Variants in ST3GAL3 observed in about 807,000 individuals in gnomAD.
ST3GAL3 encodes CMP-N-acetylneuraminate-beta-1,4-galactoside alpha-2,3-sialyltransferase.
A neutral mutation model predicts 50.1 loss-of-function variants in ST3GAL3; 21 were observed. The observed-to-expected ratio is 0.42, with a 90% CI of 0.30 to 0.60. ST3GAL3 has a LOEUF of 0.60. Ranked by LOEUF, ST3GAL3 falls within the 20% of genes least tolerant of loss-of-function variation. The probability of loss-of-function intolerance (pLI) is 0.19; values close to 1 mark genes in which losing one functional copy is unlikely to be tolerated. For missense variants in ST3GAL3, 353 were observed against 489.4 expected (o/e 0.72, Z 2.63); for synonymous variants, 183 against 190.0 (o/e 0.96, Z 0.30).
intron 2 of ST3GAL3, 30 bp downstream of exon 2, chr1:43,736,410 G>C: frequency 3.1e-6 from 5 of 1,614,112 alleles, no homozygotes; most frequent in Non-Finnish European, 4.2e-6. Flanking sequence ...CTCACCCCAG[G>C]AGAAGCCTGT....
chr1:43,881,073 C>T (rs1304540729), intron 5 of ST3GAL3, among the ~76,000 whole-genome samples: 6 of 151,696 alleles, frequency 4.0e-5, no homozygotes, highest in African/African-American at 1.2e-4. Context: ...TGCAATGGCG[C>T]GATCTCAGCT....
chr1:43,828,856 A>G (rs904722356), intron 4 of ST3GAL3, among the ~76,000 whole-genome samples: 1 of 152,200 alleles, frequency 6.6e-6, no homozygotes, highest in African/African-American at 2.4e-5. Context: ...TTTGGAGCAC[A>G]GTTTGGCAGC....
At chr1:43,869,812 T>C (rs904197114) in intron 5 of ST3GAL3, among the ~76,000 whole-genome samples, 1 of 152,242 alleles carries the variant, frequency 6.6e-6, no homozygotes, top group African/African-American at 2.4e-5. Context: ...TAAGCCATTC[T>C]GTTCTTGTCT....
chr1:43,841,484 T>C (rs2065367326), intron 5 of ST3GAL3: 1 of 152,284 alleles, frequency 6.6e-6, no homozygotes, highest in Admixed American at 6.5e-5. Context: ...AGTTTACAGC[T>C]TGCATTCTTC....
chr1:43,748,716 C>G lies in ST3GAL3; in HGVS notation c.118+12336C>G, dbSNP rs79653789. ...GAGATTACAGGTGTGAGCCACCTTG[C>G]CAGACCTGTTTTTAATTTTTATGTT... On this transcript the variant is annotated intron_variant, in intron 2 of 11. Transcript: ENST00000347631. Among the ~76,000 whole-genome samples, 808 of 152,246 alleles carry G rather than the reference C, an allele frequency of 5.3e-3. 16 individuals are homozygous for G. Among genetic ancestry groups the G allele is most frequent in the African/African-American group, 0.018 (751 of 41,538 alleles).
intron 9 of ST3GAL3, among the ~76,000 whole-genome samples, chr1:43,915,947 C>T (rs1425892910): frequency 1.3e-5 from 2 of 152,068 alleles, no homozygotes; most frequent in Non-Finnish European, 1.5e-5. Context: ...GGTGAAACCC[C>T]ATCTCTACTA....
At chr1:43,896,736 G>C (rs993594236) in intron 6 of ST3GAL3, 1 of 152,008 alleles carries the variant, frequency 6.6e-6, no homozygotes, top group African/African-American at 2.4e-5. Context: ...GTAGAAACAG[G>C]GTTTAACCAT....
chr1:43,775,788 G>T (rs1697002337), intron 2 of ST3GAL3, among the ~76,000 whole-genome samples: 1 of 146,594 alleles, frequency 6.8e-6, no homozygotes, highest in Non-Finnish European at 1.5e-5. Context: ...CAAACCAGGA[G>T]TTTTTTTTTT....
chr1:43,797,253 A>G (rs1307017876), intron 3 of ST3GAL3, among the ~76,000 whole-genome samples: 1 of 152,214 alleles, frequency 6.6e-6, no homozygotes, highest in Non-Finnish European at 1.5e-5. Context: ...TAGCAAACAA[A>G]AAAAGAGGAA....
At chr1:43,886,274 G>A (rs1253443149) in intron 5 of ST3GAL3, among the ~76,000 whole-genome samples, 2 of 152,152 alleles carry the variant, frequency 1.3e-5, no homozygotes, top group African/African-American at 2.4e-5. Flanking sequence ...CCAGCTACTC[G>A]TGAGGCTGAG....
rs75664528 is a variant in ST3GAL3, at chr1:43,789,070, A to C, written c.119-3032A>C. 1.1e-3 allele frequency among the ~76,000 whole-genome samples: 167 copies of C among 152,326 alleles called. 2 individuals carry two copies. The highest frequency in any genetic ancestry group is 3.8e-3 in the African/African-American group (158 of 41,574). On this transcript the variant is annotated intron_variant, in intron 2 of 11. Transcript: ENST00000347631. ...GGAACTCAAGGTGGTAAATGAGGCA[A>C]ATGGTAAAGACATTGAATGTCAGAG...
At chr1:43,896,648 A>G (rs1317240307) in intron 6 of ST3GAL3, 1 of 152,274 alleles carries the variant, frequency 6.6e-6, no homozygotes, top group African/African-American at 2.4e-5. Flanking sequence ...CGCTCAAGCA[A>G]TCCTCTCACC....
chr1:43,901,703 C>T (rs1270996108), intron 9 of ST3GAL3, among the ~76,000 whole-genome samples: 2 of 152,174 alleles, frequency 1.3e-5, no homozygotes, highest in African/African-American at 4.8e-5. Flanking sequence ...GGACGAGGCA[C>T]AGGCACAGGC....
intron 5 of ST3GAL3, among the ~76,000 whole-genome samples, chr1:43,870,200 A>G (rs770651875): frequency 5.9e-5 from 9 of 152,226 alleles, no homozygotes; most frequent in Admixed American, 5.2e-4. Context: ...ACTTACTTCA[A>G]ATGAATTTTG....
intron 1 of ST3GAL3, among the ~76,000 whole-genome samples, chr1:43,735,128 G>C (rs1424815431): frequency 1.3e-5 from 2 of 152,116 alleles, no homozygotes; most frequent in Non-Finnish European, 2.9e-5. Flanking sequence ...GTCAGAAACC[G>C]CTAGGCTGTA....
rs1388848196 is a variant in ST3GAL3 at position 43,930,436 on chromosome 1, C to T, written c.*215C>T. 3 of 610,796 alleles carry T rather than the reference C, an allele frequency of 4.9e-6. No homozygotes were observed. Among genetic ancestry groups the T allele is most frequent in the Non-Finnish European group, 8.8e-6 (3 of 339,174 alleles). 37.8% of individuals were successfully genotyped at this position (610,796 alleles called of 1,614,324 possible). On this transcript the variant is annotated 3_prime_UTR_variant, in exon 12 of 12. Transcript: ENST00000347631. ...AGCATGGGTCCTTGATGCCAGAGGG[C>T]CAGCAGGCTCCTGGCTGTGCCCAGC...
At chr1:43,743,545 C>T (rs1682032653) in intron 2 of ST3GAL3, 1 of 415,882 alleles carries the variant, frequency 2.4e-6, no homozygotes. Context: ...GAGGGATACA[C>T]CATTTAGTAA....
chr1:43,813,891 ACACG>A (rs1340637870), intron 3 of ST3GAL3, among the ~76,000 whole-genome samples: 1,095 of 44,444 alleles, frequency 0.025, 13 homozygotes, highest in African/African-American at 0.054. Flanking sequence ...ACACACACAC[ACACG>A]CACACACGCA....
chr1:43,755,716 A>C (rs1351393861), intron 2 of ST3GAL3, among the ~76,000 whole-genome samples: 1 of 152,238 alleles, frequency 6.6e-6, no homozygotes, highest in Non-Finnish European at 1.5e-5. Flanking sequence ...AGGAAGCAGA[A>C]ACACAGTTTC....
Sources: gnomAD v4.1 joint callset for allele counts (sites outside exome capture counted in the v4.1 genomes callset) on GRCh38, gnomAD v4.1.1 for gene constraint, MANE v1.5 for transcripts, NCBI Gene and HGNC (gene_info 2026-07-23, HGNC 2026-07-21) for gene names.